SLC2A13: variants seen among roughly 807,000 people sequenced by gnomAD.
SLC2A13 encodes proton myo-inositol cotransporter.
Under a neutral mutation model 64.4 loss-of-function variants are expected in SLC2A13, and 32 were observed. The observed-to-expected ratio is 0.50, with a 90% CI of 0.37 to 0.67. SLC2A13 has a LOEUF of 0.67. Among genes scored for constraint, SLC2A13 ranks in the 30% least tolerant of loss-of-function variants. SLC2A13 has a pLI of 0.00. For missense variants in SLC2A13, 743 were observed against 829.2 expected (o/e 0.90, Z 1.28); for synonymous variants, 338 against 327.1 (o/e 1.03, Z -0.36).
intron 1 of SLC2A13, among the ~76,000 whole-genome samples, chr12:40,085,656 C>T (rs1247399021): frequency 6.6e-6 from 1 of 152,142 alleles, no homozygotes; most frequent in Non-Finnish European, 1.5e-5. Context: ...CAGAAGGGGC[C>T]TAAGTAGGTG....
intron 4 of SLC2A13, among the ~76,000 whole-genome samples, chr12:39,915,653 A>AT (rs879623150): frequency 1.3e-3 from 197 of 148,182 alleles, no homozygotes; most frequent in African/African-American, 4.2e-3. Context: ...ATGACACAGG[A>AT]TTTTTTTTTT....
Position 39,790,350 on chromosome 12 carries a change from C to T in SLC2A13, c.1446-25492G>A, listed in dbSNP as rs1941347569. 2.0e-5 allele frequency among the ~76,000 whole-genome samples: 3 copies of T among 147,496 alleles called. 1 individual carries two copies. On this transcript the variant is annotated intron_variant, in intron 7 of 9. Coordinates refer to ENST00000280871, the MANE Select transcript of SLC2A13 (RefSeq NM_052885.4). ...GCGTCATCTAGCATTAGGTATATCT[C>T]CCAATGCTATCCCTCCCCCCTCCCC...
chr12:39,938,556 C>T (rs1425194915), intron 4 of SLC2A13, among the ~76,000 whole-genome samples: 1 of 151,760 alleles, frequency 6.6e-6, no homozygotes, highest in African/African-American at 2.4e-5. Flanking sequence ...TGTAACAGGA[C>T]AAAATTATTT....
intron 2 of SLC2A13, among the ~76,000 whole-genome samples, chr12:40,030,114 A>T (rs554350616): frequency 6.6e-6 from 1 of 152,322 alleles, no homozygotes; most frequent in African/African-American, 2.4e-5. Context: ...CCAGAAAATA[A>T]CTGTGCTTTG....
In SLC2A13 at chr12:40,105,989, C is replaced by T; in HGVS notation, c.-181G>A. The T allele has an allele frequency of 1.5e-6, 1 of 667,914 alleles. No individual in the cohort carries two copies. Among genetic ancestry groups the T allele is most frequent in the Non-Finnish European group, 2.2e-6 (1 of 460,732 alleles). The allele number at this position is 667,914 out of a possible 1,614,324, so 41.4% of individuals were successfully genotyped here. A position where few individuals can be genotyped will look rare whatever the true frequency, so the allele number is the denominator to read the frequency against. ...GGCCGCTCCGGGGAGAAAGTTGCTG[C>T]CCGCCGCGCTCCGACGCTGCGGAGT... On this transcript the variant is annotated 5_prime_UTR_variant, in exon 1 of 10. Transcript: ENST00000280871. This position sits in a 1 kb window ranked among gnomAD's most constrained non-coding sequence, Gnocchi z 4.2.
At chr12:39,889,762 C>G (rs1328287792) in intron 4 of SLC2A13, among the ~76,000 whole-genome samples, 2 of 152,002 alleles carry the variant, frequency 1.3e-5, no homozygotes, top group Admixed American at 1.3e-4. Flanking sequence ...GATTTCTTGA[C>G]CTCGTGATCT....
intron 4 of SLC2A13, among the ~76,000 whole-genome samples, chr12:39,904,064 A>G (rs1042976182): frequency 1.3e-5 from 2 of 152,134 alleles, no homozygotes; most frequent in African/African-American, 4.8e-5. Flanking sequence ...TACACAGGAA[A>G]AGAACACAGA....
intron 3 of SLC2A13, among the ~76,000 whole-genome samples, chr12:39,990,889 G>C (rs1440414645): frequency 6.6e-6 from 1 of 152,002 alleles, no homozygotes; most frequent in Non-Finnish European, 1.5e-5. Flanking sequence ...AATTGTATTC[G>C]ATTCTCAAAC....
intron 6 of SLC2A13, among the ~76,000 whole-genome samples, chr12:39,842,984 T>C (rs1161685567): frequency 6.6e-6 from 1 of 152,062 alleles, no homozygotes; most frequent in Non-Finnish European, 1.5e-5. Flanking sequence ...CTGTAGGATA[T>C]ATCACACTTC....
chr12:39,931,790 C>A (rs978537961), intron 4 of SLC2A13, among the ~76,000 whole-genome samples: 1 of 152,018 alleles, frequency 6.6e-6, no homozygotes, highest in African/African-American at 2.4e-5. Flanking sequence ...AATACCCTCC[C>A]ACAAAACAAA....
intron 4 of SLC2A13, among the ~76,000 whole-genome samples, chr12:39,897,466 G>A (rs1023108070): frequency 6.6e-6 from 1 of 152,168 alleles, no homozygotes; most frequent in African/African-American, 2.4e-5. Flanking sequence ...ATGTTTCAAT[G>A]TTTCTACAGG....
chr12:39,758,024 G>C lies in SLC2A13; in HGVS notation c.*2002C>G, dbSNP rs1156895452. The C allele has an allele frequency of 6.6e-6, 1 of 151,410 alleles. No individual in the cohort carries two copies. The highest frequency in any genetic ancestry group is 1.5e-5 in the Non-Finnish European group (1 of 67,604). The allele number at this position is 151,410 out of a possible 1,614,324, so 9.4% of individuals were successfully genotyped here. A position where few individuals can be genotyped will look rare whatever the true frequency, so the allele number is the denominator to read the frequency against. On this transcript the variant is annotated 3_prime_UTR_variant, in exon 10 of 10. Coordinates refer to ENST00000280871, the MANE Select transcript of SLC2A13 (RefSeq NM_052885.4). Reference sequence around the variant, plus strand: ...TTCAATTTACCTGTGTAAAATATTAGATAAGAAATTTCTTATGAGATAAGA... The same window carrying C: ...TTCAATTTACCTGTGTAAAATATTACATAAGAAATTTCTTATGAGATAAGA...
chr12:39,881,695 C>T (rs999083742), intron 4 of SLC2A13, among the ~76,000 whole-genome samples: 1 of 152,166 alleles, frequency 6.6e-6, no homozygotes, highest in Admixed American at 6.5e-5. Context: ...GCATAACCTT[C>T]TTACACCTTG....
At chr12:40,068,839 T>C (rs1937845838) in intron 1 of SLC2A13, among the ~76,000 whole-genome samples, 1 of 151,994 alleles carries the variant, frequency 6.6e-6, no homozygotes, top group Admixed American at 6.6e-5. Flanking sequence ...TGTTTTTTTT[T>C]TCTCATCCAC....
chr12:39,776,108 C>T (rs1566774572), intron 7 of SLC2A13, among the ~76,000 whole-genome samples: 1 of 152,108 alleles, frequency 6.6e-6, no homozygotes, highest in South Asian at 2.1e-4. Context: ...TATTGCTGTT[C>T]CCCCCTACAA....
intron 3 of SLC2A13, among the ~76,000 whole-genome samples, chr12:39,956,175 A>G (rs1009123177): frequency 2.6e-5 from 4 of 152,196 alleles, no homozygotes; most frequent in Admixed American, 2.6e-4. Context: ...AACTCACTCA[A>G]GAAGAAATAG....
chr12:40,103,131 GC>G (rs981392304), intron 1 of SLC2A13, among the ~76,000 whole-genome samples: 1 of 152,186 alleles, frequency 6.6e-6, no homozygotes, highest in African/African-American at 2.4e-5. Context: ...ACAGAATGAG[GC>G]TGCAAGACAG....
At chr12:40,007,915 C>G (rs1359557729) in intron 3 of SLC2A13, among the ~76,000 whole-genome samples, 2 of 152,058 alleles carry the variant, frequency 1.3e-5, no homozygotes, top group Non-Finnish European at 2.9e-5. Context: ...GGAAAAACGC[C>G]TTATCTATAT....
At chr12:39,943,588 G>A (rs1420432728) in intron 4 of SLC2A13, among the ~76,000 whole-genome samples, 3 of 152,142 alleles carry the variant, frequency 2.0e-5, no homozygotes, top group Non-Finnish European at 2.9e-5. Context: ...CCTCAGTAAT[G>A]GTGGACGCCC....
Sources: gnomAD v4.1 joint callset for allele counts (sites outside exome capture counted in the v4.1 genomes callset) on GRCh38, gnomAD v4.1.1 for gene constraint, Gnocchi (gnomAD v3.1) non-coding constraint, MANE v1.5 for transcripts, NCBI Gene and HGNC (gene_info 2026-07-23, HGNC 2026-07-21) for gene names.